Variants in LMBR1 observed in about 807,000 individuals in gnomAD.
The protein encoded by LMBR1 is limb development membrane protein 1.
Under a neutral mutation model 73.9 loss-of-function variants are expected in LMBR1, and 52 were observed. That is an observed-to-expected ratio of 0.70 (90% CI 0.56 to 0.89). The LOEUF is 0.89. Among genes scored for constraint, LMBR1 ranks in the 40% least tolerant of loss-of-function variants. LMBR1 has a pLI of 0.00. For missense variants in LMBR1, 539 were observed against 579.8 expected, an observed-to-expected ratio of 0.93 and a Z score of 0.72; for synonymous variants, 215 against 209.4, an observed-to-expected ratio of 1.03 and a Z score of -0.23.
intron 4 of LMBR1, among the ~76,000 whole-genome samples, chr7:156,817,398 A>C (rs956800409): frequency 1.3e-5 from 2 of 152,136 alleles, no homozygotes; most frequent in East Asian, 1.9e-4. Flanking sequence ...TCTACCAACA[A>C]AGCATAAGGC....
intron 1 of LMBR1, among the ~76,000 whole-genome samples, chr7:156,845,038 TA>T (rs754296440): frequency 6.6e-6 from 1 of 152,186 alleles, no homozygotes; most frequent in Non-Finnish European, 1.5e-5. Context: ...AAGTGAAGAA[TA>T]AGTATCATAA....
chr7:156,815,702 G>C (rs974460240), intron 4 of LMBR1, among the ~76,000 whole-genome samples: 1 of 152,144 alleles, frequency 6.6e-6, no homozygotes, highest in African/African-American at 2.4e-5. Flanking sequence ...TGAGTGCACA[G>C]TTTAGATTTT....
chr7:156,891,207 AAAAAATAT>A (rs1376464511), intron 1 of LMBR1, among the ~76,000 whole-genome samples: 4 of 94,566 alleles, frequency 4.2e-5, no homozygotes, highest in East Asian at 2.5e-4. Context: ...AAAAAAAAAA[AAAAAATAT>A]ATATATATAT....
At chr7:156,780,864 G>T (rs1338034007) in intron 5 of LMBR1, among the ~76,000 whole-genome samples, 1 of 152,066 alleles carries the variant, frequency 6.6e-6, no homozygotes, top group East Asian at 1.9e-4. Flanking sequence ...CACCTCCCCA[G>T]TGACAGAAAT....
At chr7:156,697,048 T>TGA (rs946505514) in intron 15 of LMBR1, among the ~76,000 whole-genome samples, 1 of 143,218 alleles carries the variant, frequency 7.0e-6, no homozygotes, top group Admixed American at 6.9e-5. Flanking sequence ...GTAGGCCAGC[T>TGA]GAGAGAGAGA....
At chr7:156,866,761 A>G (rs1798526585) in intron 1 of LMBR1, among the ~76,000 whole-genome samples, 1 of 151,882 alleles carries the variant, frequency 6.6e-6, no homozygotes, top group Non-Finnish European at 1.5e-5. Flanking sequence ...CCGCCACTGC[A>G]CCCAGCTAAA....
intron 9 of LMBR1, among the ~76,000 whole-genome samples, chr7:156,738,104 C>T (rs541203766): frequency 3.3e-4 from 50 of 152,292 alleles, no homozygotes; most frequent in East Asian, 5.8e-4. Flanking sequence ...CTTGAACTGC[C>T]GATGCCAACC....
chr7:156,868,271 G>A (rs1368055095), intron 1 of LMBR1, among the ~76,000 whole-genome samples: 1 of 149,286 alleles, frequency 6.7e-6, no homozygotes, highest in Non-Finnish European at 1.5e-5. Context: ...TCGGCTCACT[G>A]AAACCTCCAC....
chr7:156,836,457 T>A (rs1837656634), intron 2 of LMBR1, among the ~76,000 whole-genome samples: 1 of 152,224 alleles, frequency 6.6e-6, no homozygotes, highest in Non-Finnish European at 1.5e-5. Context: ...TATGCTCTAG[T>A]AGCCAGAAAA....
At chr7:156,881,537 T>C (rs117393570) in intron 1 of LMBR1, among the ~76,000 whole-genome samples, 82 of 152,218 alleles carry the variant, frequency 5.4e-4, no homozygotes, top group Non-Finnish European at 9.7e-4. Context: ...ACAATCAACA[T>C]AGTGATGGAA....
At chr7:156,785,532 T>C (rs997235143) in intron 5 of LMBR1, among the ~76,000 whole-genome samples, 1 of 152,076 alleles carries the variant, frequency 6.6e-6, no homozygotes, top group Non-Finnish European at 1.5e-5. Context: ...TCTTGCAACC[T>C]TGAGAAGGAG....
intron 1 of LMBR1, among the ~76,000 whole-genome samples, chr7:156,842,762 G>A (rs1838942878): frequency 6.6e-6 from 1 of 152,192 alleles, no homozygotes; most frequent in African/African-American, 2.4e-5. Context: ...TTCCAGGCAA[G>A]TCCAAGCTAA....
chr7:156,675,902 C>G (rs549168095), downstream of LMBR1: 1 of 1,592,646 alleles, frequency 6.3e-7, no homozygotes, highest in East Asian at 2.2e-5. Flanking sequence ...GCAGACTCAG[C>G]TGCAGCTGCA....
intron 2 of LMBR1, among the ~76,000 whole-genome samples, chr7:156,835,763 A>T (rs1837534204): frequency 6.6e-6 from 1 of 151,676 alleles, no homozygotes; most frequent in African/African-American, 2.4e-5. Context: ...TTTCACTTCT[A>T]TTCCCAGCAC....
chr7:156,812,553 T>C (rs1302081871), intron 4 of LMBR1, among the ~76,000 whole-genome samples: 1 of 152,042 alleles, frequency 6.6e-6, no homozygotes, highest in African/African-American at 2.4e-5. Context: ...GTCCTAAAAC[T>C]ACAAAGAACC....
chr7:156,723,974 G>C (rs1040264159), intron 15 of LMBR1, 138 bp downstream of exon 15: 2 of 615,852 alleles, frequency 3.2e-6, no homozygotes, highest in Admixed American at 3.1e-5. Flanking sequence ...ATAAAGTATA[G>C]AAGTAAAAGT....
intron 5 of LMBR1, among the ~76,000 whole-genome samples, chr7:156,768,961 AT>A (rs1439815188): frequency 1.3e-5 from 2 of 152,082 alleles, no homozygotes; most frequent in African/African-American, 4.8e-5. Context: ...CTCCTGGAGT[AT>A]TTGTGAGCTA....
chr7:156,861,409 A>G (rs967303823), intron 1 of LMBR1, among the ~76,000 whole-genome samples: 2 of 152,098 alleles, frequency 1.3e-5, no homozygotes, highest in Non-Finnish European at 2.9e-5. Flanking sequence ...CCTGCCTATG[A>G]AACCATTTTT....
rs778672628 is a variant in LMBR1 at position 156,762,218 on chromosome 7, A to G, written c.620-20T>C. ...TACACACTGCAGAAATAAGATCACC[A>G]AAAGACAGAAAGCGACATTATAGAG... On this transcript the variant is annotated intron_variant, in intron 7 of 16. Transcript: ENST00000353442. The G allele has an allele frequency of 2.6e-6, 4 of 1,560,504 alleles. No individual in the cohort carries two copies. In the African/African-American group the frequency reaches 5.4e-5, roughly 21 times the overall value.
Sources: allele counts gnomAD v4.1 joint callset (sites outside exome capture counted in the v4.1 genomes callset), GRCh38; gene constraint gnomAD v4.1.1; transcripts MANE v1.5; gene names NCBI Gene and HGNC (gene_info 2026-07-23, HGNC 2026-07-21).